RNF169: variants seen among roughly 807,000 people sequenced by gnomAD.
RNF169 encodes the protein E3 ubiquitin-protein ligase RNF169.
A neutral mutation model predicts 53.9 loss-of-function variants in RNF169; 24 were observed. The observed-to-expected ratio is 0.45, with a 90% CI of 0.32 to 0.63. The LOEUF (loss-of-function observed/expected upper bound fraction) is 0.63. Ranked by LOEUF, RNF169 falls within the 20% of genes least tolerant of loss-of-function variation. The pLI is 0.04. For synonymous variants in RNF169, 396 were observed against 363.5 expected, an observed-to-expected ratio of 1.09 and a Z score of -1.02; for missense variants, 883 against 906.2, an observed-to-expected ratio of 0.97 and a Z score of 0.33.
intron 3 of RNF169, among the ~76,000 whole-genome samples, chr11:74,815,293 C>T (rs2035928492): frequency 6.6e-6 from 1 of 152,250 alleles, no homozygotes; most frequent in South Asian, 2.1e-4. Flanking sequence ...CGGTGGCTCA[C>T]ACCTGTAATC....
chr11:74,762,743 A>G (rs1035483906), intron 1 of RNF169, among the ~76,000 whole-genome samples: 1 of 152,244 alleles, frequency 6.6e-6, no homozygotes, highest in African/African-American at 2.4e-5. Flanking sequence ...GCTGCATAAT[A>G]AAGAATGACA....
intron 1 of RNF169, among the ~76,000 whole-genome samples, chr11:74,758,405 T>G (rs1047748120): frequency 4.0e-5 from 6 of 150,296 alleles, no homozygotes; most frequent in African/African-American, 1.5e-4. Flanking sequence ...ACTGTAGCCT[T>G]GTAGTATAGT....
chr11:74,792,771 AGAGGAGAGGTAT>A (rs1688441194), intron 2 of RNF169, among the ~76,000 whole-genome samples: 1 of 152,206 alleles, frequency 6.6e-6, no homozygotes, highest in South Asian at 2.1e-4. Context: ...TGTTCCTGTT[AGAGGAGAGGTAT>A]GGGACAGTGG....
Position 74,839,396 on chromosome 11 carries a change from T to G in RNF169, c.*2666T>G, listed in dbSNP as rs2036309272. 6.6e-6 allele frequency: 1 copy of G among 152,204 alleles called. No homozygotes were observed. The allele number at this position is 152,204 out of a possible 1,614,324, so 9.4% of individuals were successfully genotyped here. A position where few individuals can be genotyped will look rare whatever the true frequency, so the allele number is the denominator to read the frequency against. On this transcript the variant is annotated 3_prime_UTR_variant, in exon 6 of 6. Transcript: ENST00000299563. ...TGAATGCTTTTCTTTCTGAAAAATC[T>G]CCCTCTCTCCTTCCATGATTCTGAA...
chr11:74,790,372 T>C (rs1032915245), intron 2 of RNF169, among the ~76,000 whole-genome samples: 54 of 152,230 alleles, frequency 3.5e-4, no homozygotes, highest in African/African-American at 1.3e-3. Context: ...CATATGGGCA[T>C]CTAATATTTT....
At chr11:74,799,570 A>G (rs1294205848) in intron 2 of RNF169, among the ~76,000 whole-genome samples, 1 of 152,162 alleles carries the variant, frequency 6.6e-6, no homozygotes, top group Non-Finnish European at 1.5e-5. Context: ...TAAGGTTACT[A>G]TATTAGTATA....
intron 1 of RNF169, among the ~76,000 whole-genome samples, chr11:74,772,472 GTTTTTT>G (rs35350939): frequency 7.8e-6 from 1 of 128,174 alleles, no homozygotes; most frequent in African/African-American, 2.8e-5. Flanking sequence ...AGGGATGCTG[GTTTTTT>G]TTTTTTTTTT....
rs1125609 is a variant in RNF169, at chr11:74,835,860, G to A, written c.1257G>A (p.Gln419=). 322,807 of 1,613,978 alleles carry A rather than the reference G, an allele frequency of 0.2. 34,435 individuals are homozygous for A. The highest frequency in any genetic ancestry group is 0.37 in the South Asian group (33,798 of 91,074). ...STPRNLNRSL[Q]KQTSYEASPR... The stretch of plus-strand genomic sequence containing the variant: ...CACGCAACCTAAACAGAAGCCTGCA[G>A]AAGCAGACTTCTTATGAGGCCAGTC... The change falls in exon 6 of 6, where the codon CAG becomes CAA. Residue 419 remains glutamine, a synonymous_variant. Coordinates refer to ENST00000299563, the MANE Select transcript of RNF169 (RefSeq NM_001098638.2).
intron 4 of RNF169, 132 bp downstream of exon 4, chr11:74,817,846 T>C (rs1304430323): frequency 4.4e-6 from 3 of 677,528 alleles, no homozygotes; most frequent in South Asian, 1.7e-5. Context: ...GAGGTGGGAA[T>C]TGGTTTTCAA....
chr11:74,770,007 G>A (rs2035236292), intron 1 of RNF169, among the ~76,000 whole-genome samples: 1 of 152,162 alleles, frequency 6.6e-6, no homozygotes, highest in Admixed American at 6.5e-5. Context: ...GCCCAGGTTG[G>A]TCTTGAACTC....
rs965584944 is a variant in RNF169 at position 74,840,874 on chromosome 11, T to G, written c.*4144T>G. On this transcript the variant is annotated 3_prime_UTR_variant, in exon 6 of 6. Coordinates refer to ENST00000299563, the MANE Select transcript of RNF169 (RefSeq NM_001098638.2). Reference sequence around the variant, plus strand: ...GGTTTTCCAGGGTCTGAATAAATAATCATTAAAGTTTGACACACGCAGACA... The same window carrying G: ...GGTTTTCCAGGGTCTGAATAAATAAGCATTAAAGTTTGACACACGCAGACA... 1 of 148,802 alleles carries G rather than the reference T, an allele frequency of 6.7e-6. No homozygotes were observed. Among genetic ancestry groups the G allele is most frequent in the African/African-American group, 2.5e-5 (1 of 40,404 alleles). 9.2% of individuals were successfully genotyped at this position (148,802 alleles called of 1,614,324 possible).
chr11:74,817,871 A>C (rs1356316073), intron 4 of RNF169, among the ~76,000 whole-genome samples, 157 bp downstream of exon 4: 1 of 152,142 alleles, frequency 6.6e-6, no homozygotes, highest in Non-Finnish European at 1.5e-5. Context: ...GGACTAGGGA[A>C]AAAGGGCTGA....
At chr11:74,786,517 C>G (rs2035506534) in intron 1 of RNF169, among the ~76,000 whole-genome samples, 1 of 152,122 alleles carries the variant, frequency 6.6e-6, no homozygotes, top group Non-Finnish European at 1.5e-5. Context: ...CTCACCTTAG[C>G]CTCCCAAATT....
intron 3 of RNF169, among the ~76,000 whole-genome samples, chr11:74,817,119 A>G (rs1375870194): frequency 2.0e-5 from 3 of 152,192 alleles, no homozygotes; most frequent in African/African-American, 7.2e-5. Context: ...CATGGAGACA[A>G]TTTGGAGACT....
chr11:74,775,394 TTTAA>T (rs2035318702), intron 1 of RNF169, among the ~76,000 whole-genome samples: 1 of 152,222 alleles, frequency 6.6e-6, no homozygotes, highest in Non-Finnish European at 1.5e-5. Context: ...TTTGGACAAT[TTTAA>T]TTGTTTGAAA....
rs1408040551 is a variant in RNF169 at position 74,749,146 on chromosome 11, G to C, written c.266G>C (p.Arg89Pro). 18 of 1,292,224 alleles carry C rather than the reference G, an allele frequency of 1.4e-5. No individual in the cohort carries two copies. The highest frequency in any genetic ancestry group is 1.8e-5 in the Non-Finnish European group (18 of 1,020,580). The allele number at this position is 1,292,224 out of a possible 1,614,324, so 80.0% of individuals were successfully genotyped here. Residue 89 changes from arginine (R) to proline (P), a missense_variant, in exon 1 of 6, where the codon CGA becomes CCA. Arg to Pro is a moderately radical substitution (Grantham distance 103). Transcript: ENST00000299563. The part of the protein sequence containing the change: ...AALPCGHSLC[R>P]GCAQRAADAA... ...CTGCCGTGCGGCCACTCGCTTTGCC[G>C]AGGCTGCGCCCAACGCGCCGCCGAC...
intron 4 of RNF169, among the ~76,000 whole-genome samples, chr11:74,829,554 G>A (rs1450212743): frequency 6.6e-6 from 1 of 152,148 alleles, no homozygotes; most frequent in Non-Finnish European, 1.5e-5. Context: ...TGTGTTCATT[G>A]CAGCACTGTT....
At chr11:74,763,585 T>C (rs2035124322) in intron 1 of RNF169, among the ~76,000 whole-genome samples, 1 of 152,044 alleles carries the variant, frequency 6.6e-6, no homozygotes, top group Non-Finnish European at 1.5e-5. Context: ...TAAACAATAG[T>C]TTACACAGAT....
At chr11:74,766,274 A>G (rs1490636767) in intron 1 of RNF169, among the ~76,000 whole-genome samples, 1 of 152,220 alleles carries the variant, frequency 6.6e-6, no homozygotes, top group African/African-American at 2.4e-5. Context: ...GCGTGGACAC[A>G]ATGAGCAAAA....
Sources: gnomAD v4.1 joint callset for allele counts (sites outside exome capture counted in the v4.1 genomes callset) on GRCh38, gnomAD v4.1.1 for gene constraint, MANE v1.5 for transcripts, NCBI Gene and HGNC (gene_info 2026-07-23, HGNC 2026-07-21) for gene names.